The following SNX9 variants were observed in gnomAD, a reference collection of about 807,000 sequenced individuals.
SNX9 encodes the protein sorting nexin 9.
Under a neutral mutation model 89.4 loss-of-function variants are expected in SNX9, and 44 were observed. That is an observed-to-expected ratio of 0.49 (90% CI 0.39 to 0.63). The LOEUF (loss-of-function observed/expected upper bound fraction) is 0.63, where lower values mean the gene tolerates loss of function less well. Ranked by LOEUF, SNX9 falls within the 30% of genes least tolerant of loss-of-function variation. The pLI is 0.00. For missense variants in SNX9, 578 were observed against 736.1 expected (o/e 0.79, Z 2.49); for synonymous variants, 236 against 247.8 (o/e 0.95, Z 0.45).
chr6:157,901,065 C>T (rs1021240699), intron 5 of SNX9, among the ~76,000 whole-genome samples: 1 of 152,156 alleles, frequency 6.6e-6, no homozygotes. Context: ...ATCTGCTTTT[C>T]TGGGATAGGA....
chr6:157,943,074 G>T lies in SNX9; in HGVS notation c.*236G>T. On this transcript the variant is annotated 3_prime_UTR_variant, in exon 18 of 18. Transcript: ENST00000392185. ...ACCAGTGGAAATTGTCTCTATTTTT[G>T]GAAAGTACTTAAAAGTTACCAGAAT... 1 of 388,514 alleles carries T rather than the reference G, an allele frequency of 2.6e-6. No individual in the cohort carries two copies. The highest frequency in any genetic ancestry group is 4.5e-6 in the Non-Finnish European group (1 of 220,584). 24.1% of individuals were successfully genotyped at this position (388,514 alleles called of 1,614,324 possible). A position where few individuals can be genotyped will look rare whatever the true frequency, so the allele number is the denominator to read the frequency against.
intron 1 of SNX9, among the ~76,000 whole-genome samples, chr6:157,826,280 C>T (rs1161211339): frequency 6.6e-6 from 1 of 151,964 alleles, no homozygotes; most frequent in Non-Finnish European, 1.5e-5. Flanking sequence ...GGGCGGATCA[C>T]GAGGTCGGGA....
intron 9 of SNX9, among the ~76,000 whole-genome samples, chr6:157,914,469 C>CTTTTTTTTTTTTTTTTTTTTTTTTTTT (rs34419515): frequency 1.3e-5 from 1 of 75,130 alleles, no homozygotes; most frequent in African/African-American, 5.6e-5. Context: ...TTTTCTTTTT[C>CTTTTTTTTTTTTTTTTTTTTTTTTTTT]TTTTTTTTTT....
At chr6:157,917,759 A>G (rs1424641951) in intron 9 of SNX9, among the ~76,000 whole-genome samples, 8 of 152,178 alleles carry the variant, frequency 5.3e-5, no homozygotes, top group Non-Finnish European at 8.8e-5. Context: ...TCATTGTTAT[A>G]CTGTATTGTT....
At chr6:157,906,334 TAACTGATAATA>T in intron 7 of SNX9, 122 bp downstream of exon 7, 1 of 688,114 alleles carries the variant, frequency 1.5e-6, no homozygotes, top group Non-Finnish European at 2.4e-6. Flanking sequence ...ATGCCCCACA[TAACTGATAATA>T]TATGTTAGTG....
At chr6:157,902,376 A>G (rs949668177) in intron 6 of SNX9, among the ~76,000 whole-genome samples, 2 of 152,146 alleles carry the variant, frequency 1.3e-5, no homozygotes, top group Non-Finnish European at 2.9e-5. Flanking sequence ...AATAATAACA[A>G]CTCTCTTTTA....
chr6:157,899,773 C>CA (rs61145963), intron 5 of SNX9, among the ~76,000 whole-genome samples: 8 of 149,042 alleles, frequency 5.4e-5, no homozygotes, highest in Non-Finnish European at 7.4e-5. Flanking sequence ...GGCTCCGTCT[C>CA]AAAAAAAAAA....
intron 4 of SNX9, among the ~76,000 whole-genome samples, chr6:157,890,756 C>T (rs1384129277): frequency 3.3e-5 from 5 of 152,146 alleles, no homozygotes; most frequent in Non-Finnish European, 7.3e-5. Flanking sequence ...GGAGCTCAGA[C>T]GAGAGTGATT....
chr6:157,900,521 G>T (rs937861565), intron 5 of SNX9, among the ~76,000 whole-genome samples: 1 of 152,080 alleles, frequency 6.6e-6, no homozygotes, highest in Non-Finnish European at 1.5e-5. Flanking sequence ...GCTGGGTCCG[G>T]GGGGGTCACT....
chr6:157,849,743 T>C (rs999973494), intron 1 of SNX9, among the ~76,000 whole-genome samples: 1 of 151,998 alleles, frequency 6.6e-6, no homozygotes, highest in Non-Finnish European at 1.5e-5. Flanking sequence ...GGTGAGTGGA[T>C]AGGAGAAGTT....
chr6:157,838,579 G>A (rs1237631645), intron 1 of SNX9, among the ~76,000 whole-genome samples: 2 of 152,130 alleles, frequency 1.3e-5, no homozygotes, highest in Admixed American at 6.6e-5. Flanking sequence ...AAAAATAAAT[G>A]TATATCAATA....
rs776738835 is a variant in SNX9, at chr6:157,932,239, T to C, written c.1333T>C (p.Leu445=). 5 of 1,614,094 alleles carry C rather than the reference T, an allele frequency of 3.1e-6. No homozygotes were observed. In the African/African-American group the frequency reaches 6.7e-5, roughly 22 times the overall value. ...YQKIGKALQS[L]ATVFSSSGYQ... is the part of the protein sequence containing the mutation. ...GAAGATAGGAAAGGCCTTGCAGAGT[T>C]TGGCCACAGTGTTCAGTTCCAGTGG... The change falls in exon 13 of 18, where the codon TTG becomes CTG. Residue 445 remains leucine, a synonymous_variant. Coordinates refer to ENST00000392185, the MANE Select transcript of SNX9 (RefSeq NM_016224.5).
In SNX9 at chr6:157,925,244, T is replaced by TGGA. The variant is rs1783666793; in HGVS notation, c.1081-1867_1081-1866insGGA. On this transcript the variant is annotated intron_variant, in intron 10 of 17. Coordinates refer to ENST00000392185, the MANE Select transcript of SNX9 (RefSeq NM_016224.5). ...GGTATCTGAATCAACAACAGATGTG[T>TGGA]AGAAAAGTACCTAATCTCATTAGCA... Among the ~76,000 whole-genome samples, 570 of 152,192 alleles carry TGGA rather than the reference T, an allele frequency of 3.7e-3. 3 individuals carry two copies. The highest frequency in any genetic ancestry group is 0.013 in the African/African-American group (543 of 41,434).
intron 9 of SNX9, among the ~76,000 whole-genome samples, chr6:157,916,604 C>G (rs1196055262): frequency 1.3e-5 from 2 of 152,162 alleles, no homozygotes; most frequent in Non-Finnish European, 2.9e-5. Flanking sequence ...AATTTCTCTT[C>G]TATTTCTAGG....
At chr6:157,843,970 G>T (rs1781752428) in intron 1 of SNX9, among the ~76,000 whole-genome samples, 1 of 149,182 alleles carries the variant, frequency 6.7e-6, no homozygotes, top group Admixed American at 6.7e-5. Context: ...CACCACCCAG[G>T]TTCAAGCAAT....
At chr6:157,844,755 G>A (rs1475328960) in intron 1 of SNX9, among the ~76,000 whole-genome samples, 6 of 151,430 alleles carry the variant, frequency 4.0e-5, no homozygotes, top group African/African-American at 9.7e-5. Flanking sequence ...CACCACGCCC[G>A]GCTAATTTTT....
At chr6:157,883,232 A>G (rs1782663881) in intron 4 of SNX9, among the ~76,000 whole-genome samples, 1 of 152,206 alleles carries the variant, frequency 6.6e-6, no homozygotes, top group Admixed American at 6.5e-5. Flanking sequence ...TGTATTTTTT[A>G]TACATAATGC....
At chr6:157,829,796 A>G (rs751611760) in intron 1 of SNX9, among the ~76,000 whole-genome samples, 15 of 152,194 alleles carry the variant, frequency 9.9e-5, no homozygotes, top group Non-Finnish European at 2.1e-4. Flanking sequence ...ATAAAAGCCA[A>G]TAGCTGAATT....
At chr6:157,843,986 T>C (rs1316289366) in intron 1 of SNX9, among the ~76,000 whole-genome samples, 1 of 150,574 alleles carries the variant, frequency 6.6e-6, no homozygotes, top group Non-Finnish European at 1.5e-5. Flanking sequence ...GCAATTTTCC[T>C]GCCTTAGCCT....
Sources: gnomAD v4.1 joint callset for allele counts (sites outside exome capture counted in the v4.1 genomes callset) on GRCh38, gnomAD v4.1.1 for gene constraint, MANE v1.5 for transcripts, NCBI Gene and HGNC (gene_info 2026-07-23, HGNC 2026-07-21) for gene names.